Variants in SPAG16 observed in about 807,000 individuals in gnomAD.
The protein encoded by SPAG16 is sperm-associated antigen 16 protein.
A neutral mutation model predicts 80.4 loss-of-function variants in SPAG16; 86 were observed. That is an observed-to-expected ratio of 1.07 (90% CI 0.90 to 1.28). SPAG16 has a LOEUF of 1.28. Among genes scored for constraint, SPAG16 ranks in the 50% most tolerant of loss-of-function variants. SPAG16 has a pLI of 0.00. For synonymous variants in SPAG16, 294 were observed against 265.9 expected (o/e 1.11, Z -1.03); for missense variants, 870 against 765.3 (o/e 1.14, Z -1.61).
intron 10 of SPAG16, among the ~76,000 whole-genome samples, chr2:213,582,945 A>G (rs1219063441): frequency 6.6e-6 from 1 of 152,190 alleles, no homozygotes; most frequent in Non-Finnish European, 1.5e-5. Context: ...TAATACAACC[A>G]TAACACAAAT....
rs368175688 is a variant in SPAG16 at position 214,234,869 on chromosome 2, C to CCA, written c.1720+85616_1720+85617dup. ...GTTCACATGCACACATGTACATGTA[C>CCA]CACACACACACACAGAGGCAATTTT... On this transcript the variant is annotated intron_variant, in intron 15 of 15. Coordinates refer to ENST00000331683, the MANE Select transcript of SPAG16 (RefSeq NM_024532.5). Among the ~76,000 whole-genome samples, 941 of 151,404 alleles carry CCA rather than the reference C, an allele frequency of 6.2e-3. 4 individuals carry two copies. The highest frequency in any genetic ancestry group is 9.8e-3 in the Non-Finnish European group (663 of 67,748).
intron 12 of SPAG16, among the ~76,000 whole-genome samples, chr2:213,938,261 GACTAAA>G (rs2079066181): frequency 6.6e-6 from 1 of 151,926 alleles, no homozygotes; most frequent in South Asian, 2.1e-4. Context: ...CAATGCTGAT[GACTAAA>G]AGGGTTTAGT....
At chr2:213,832,730 C>T (rs771570975) in intron 10 of SPAG16, among the ~76,000 whole-genome samples, 13 of 152,164 alleles carry the variant, frequency 8.5e-5, no homozygotes, top group Non-Finnish European at 1.8e-4. Flanking sequence ...CATTTTTACA[C>T]AACTGTCCAT....
At chr2:213,614,898 T>G (rs939377281) in intron 10 of SPAG16, among the ~76,000 whole-genome samples, 1 of 152,232 alleles carries the variant, frequency 6.6e-6, no homozygotes. Flanking sequence ...TTTTACCCAA[T>G]GATGGGGTAG....
At chr2:213,978,875 G>C (rs1308645228) in intron 12 of SPAG16, among the ~76,000 whole-genome samples, 1 of 152,010 alleles carries the variant, frequency 6.6e-6, no homozygotes, top group East Asian at 1.9e-4. Flanking sequence ...CACAATGGGG[G>C]TTAGTGCTTC....
At chr2:213,998,843 G>A (rs1203372673) in intron 12 of SPAG16, among the ~76,000 whole-genome samples, 1 of 152,198 alleles carries the variant, frequency 6.6e-6, no homozygotes, top group Non-Finnish European at 1.5e-5. Flanking sequence ...TTTTAGCAAA[G>A]AGACTGGTGG....
chr2:214,345,254 G>T (rs1697980632), intron 15 of SPAG16, among the ~76,000 whole-genome samples: 1 of 152,102 alleles, frequency 6.6e-6, no homozygotes, highest in Admixed American at 6.6e-5. Context: ...AAATTGACTT[G>T]CCATTTGCCT....
At chr2:214,100,179 A>T (rs1003652863) in intron 13 of SPAG16, among the ~76,000 whole-genome samples, 1 of 151,918 alleles carries the variant, frequency 6.6e-6, no homozygotes, top group Non-Finnish European at 1.5e-5. Flanking sequence ...GCCATGTAAG[A>T]CATGCCTGCT....
At chr2:213,287,769 T>G (rs535993326) in intron 1 of SPAG16, among the ~76,000 whole-genome samples, 4 of 152,048 alleles carry the variant, frequency 2.6e-5, no homozygotes, top group Non-Finnish European at 5.9e-5. Context: ...TTTCTGAAAC[T>G]CCAAAATTAA....
At chr2:213,479,794 G>A (rs1297292970) in intron 9 of SPAG16, among the ~76,000 whole-genome samples, 1 of 152,096 alleles carries the variant, frequency 6.6e-6, no homozygotes, top group African/African-American at 2.4e-5. Context: ...ACAATAAAGA[G>A]GAAAACTATG....
At chr2:214,266,285 A>G (rs1449546818) in intron 15 of SPAG16, among the ~76,000 whole-genome samples, 1 of 151,950 alleles carries the variant, frequency 6.6e-6, no homozygotes, top group Non-Finnish European at 1.5e-5. Flanking sequence ...AACTGAATCT[A>G]GAATACGTTG....
chr2:213,305,287 C>G (rs2062895658), intron 3 of SPAG16, among the ~76,000 whole-genome samples: 1 of 152,052 alleles, frequency 6.6e-6, no homozygotes, highest in Admixed American at 6.6e-5. Flanking sequence ...AGTATAACAT[C>G]ATAGCATTTG....
rs758475636 is a variant in SPAG16 at position 213,488,985 on chromosome 2, G to A, written c.943-978G>A. ...AGCTACGCAGGAGGCTGAGGCACGG[G>A]AATCGCCTGAATCCGGAAGGCGGAG... On this transcript the variant is annotated intron_variant, in intron 9 of 15. Coordinates refer to ENST00000331683, the MANE Select transcript of SPAG16 (RefSeq NM_024532.5). Among the ~76,000 whole-genome samples the A allele has an allele frequency of 6.1e-5, 9 of 147,742 alleles. No individual in the cohort carries two copies. The Admixed American group carries it at 6.2e-4, about 10-fold the overall frequency.
intron 10 of SPAG16, among the ~76,000 whole-genome samples, chr2:213,587,785 T>C (rs1003437017): frequency 6.6e-6 from 1 of 152,004 alleles, no homozygotes; most frequent in Non-Finnish European, 1.5e-5. Context: ...TGTAGTTCAC[T>C]CACAAGTTCT....
At chr2:213,877,714 CT>C (rs2076194829) in intron 11 of SPAG16, among the ~76,000 whole-genome samples, 1 of 151,914 alleles carries the variant, frequency 6.6e-6, no homozygotes. Context: ...TTTCCAACAC[CT>C]TATGGCACTG....
At chr2:214,177,967 GTATGTATATATATATATATATATATATA>G (rs1304936682) in intron 15 of SPAG16, among the ~76,000 whole-genome samples, 2 of 18,168 alleles carry the variant, frequency 1.1e-4, no homozygotes, top group African/African-American at 3.2e-4. Flanking sequence ...TTCACAAAGT[GTATGTATATATATATATATATATATATA>G]TATATATATA....
chr2:214,329,497 G>A (rs1696738403), intron 15 of SPAG16, among the ~76,000 whole-genome samples: 1 of 152,174 alleles, frequency 6.6e-6, no homozygotes, highest in South Asian at 2.1e-4. Context: ...TAAAGAAAAT[G>A]CAAATTGAAG....
intron 15 of SPAG16, among the ~76,000 whole-genome samples, chr2:214,355,017 C>G (rs1474395176): frequency 6.6e-6 from 1 of 152,030 alleles, no homozygotes; most frequent in African/African-American, 2.4e-5. Flanking sequence ...ATTGCCCTGG[C>G]CAGAACTTCA....
intron 9 of SPAG16, among the ~76,000 whole-genome samples, chr2:213,487,858 A>G (rs1021598850): frequency 2.6e-5 from 4 of 152,016 alleles, no homozygotes; most frequent in African/African-American, 9.7e-5. Flanking sequence ...CCTATTTCCA[A>G]CCCAAGCATC....
Sources: allele counts gnomAD v4.1 joint callset (sites outside exome capture counted in the v4.1 genomes callset), GRCh38; gene constraint gnomAD v4.1.1; transcripts MANE v1.5; gene names NCBI Gene and HGNC (gene_info 2026-07-23, HGNC 2026-07-21).